The following GLYATL1 variants were observed in gnomAD, a reference collection of about 807,000 sequenced individuals.
GLYATL1 encodes the protein glycine N-acyltransferase-like protein 1.
A neutral mutation model predicts 20.0 loss-of-function variants in GLYATL1; 15 were observed. The observed-to-expected ratio is 0.75, with a 90% CI of 0.50 to 1.15. The LOEUF (loss-of-function observed/expected upper bound fraction) is 1.15. GLYATL1 is among the 50% of genes most tolerant of loss of function. The probability of loss-of-function intolerance (pLI) is 0.00; values close to 1 mark genes in which losing one functional copy is unlikely to be tolerated. For synonymous variants in GLYATL1, 151 were observed against 131.5 expected, an observed-to-expected ratio of 1.15 and a Z score of -1.01; for missense variants, 380 against 368.5, an observed-to-expected ratio of 1.03 and a Z score of -0.26.
upstream of GLYATL1, among the ~76,000 whole-genome samples, chr11:58,925,308 A>G (rs1232730351): frequency 6.6e-6 from 1 of 152,220 alleles, no homozygotes; most frequent in African/African-American, 2.4e-5. Flanking sequence ...TTTTACAATT[A>G]ACATTTTACA....
intron 1 of GLYATL1, among the ~76,000 whole-genome samples, chr11:58,931,943 C>G (rs1274899297): frequency 1.3e-5 from 2 of 151,730 alleles, no homozygotes; most frequent in African/African-American, 2.4e-5. Context: ...AATCCCATCT[C>G]TAGTAAAACA....
chr11:58,905,551 C>A (rs1299983760), exon 1 of GLYATL1: 1 of 456,220 alleles, frequency 2.2e-6, no homozygotes, highest in Non-Finnish European at 4.4e-6. Context: ...AACCGCCAGG[C>A]ATCTCCCATA....
At chr11:58,910,610 G>C (rs544652356), downstream of GLYATL1, among the ~76,000 whole-genome samples, 14 of 152,232 alleles carry the variant, frequency 9.2e-5, no homozygotes, top group Middle Eastern at 3.4e-3. Flanking sequence ...CAGAACTAGA[G>C]TGTAAAACTG....
intron 1 of GLYATL1, among the ~76,000 whole-genome samples, chr11:58,919,183 C>G (rs1855250312): frequency 6.6e-6 from 1 of 152,230 alleles, no homozygotes; most frequent in Non-Finnish European, 1.5e-5. Context: ...TACCTAAAGC[C>G]TGCATTTGCC....
At chr11:58,906,966 C>T (rs140807983) in intron 1 of GLYATL1, among the ~76,000 whole-genome samples, 1 of 152,072 alleles carries the variant, frequency 6.6e-6, no homozygotes, top group Non-Finnish European at 1.5e-5. Flanking sequence ...ATGTGGAATC[C>T]TTTTTTAAAA....
chr11:58,938,659 G>A (rs1339460681), upstream of GLYATL1, among the ~76,000 whole-genome samples: 2 of 152,172 alleles, frequency 1.3e-5, no homozygotes, highest in Non-Finnish European at 2.9e-5. Flanking sequence ...AGATACATCA[G>A]AGAAGTGGAC....
At chr11:58,905,723 GGTCATCTGGACAAATA>G in intron 1 of GLYATL1, 2 of 218,898 alleles carry the variant, frequency 9.1e-6, no homozygotes, top group Non-Finnish European at 9.4e-6. Context: ...GACCGGGATG[GGTCATCTGGACAAATA>G]GGGAGGGTGG....
intron 1 of GLYATL1, among the ~76,000 whole-genome samples, chr11:58,922,284 G>C (rs1327102131): frequency 6.6e-6 from 1 of 152,198 alleles, no homozygotes; most frequent in African/African-American, 2.4e-5. Flanking sequence ...TGGTGCGTTA[G>C]GAAGATAAAC....
intron 1 of GLYATL1, among the ~76,000 whole-genome samples, chr11:58,932,673 T>C (rs907307964): frequency 6.6e-6 from 1 of 152,194 alleles, no homozygotes. Flanking sequence ...ACAATGAACC[T>C]CAAAAAAGTA....
chr11:58,937,892 G>A (rs1267077420), upstream of GLYATL1, among the ~76,000 whole-genome samples: 1 of 152,038 alleles, frequency 6.6e-6, no homozygotes, highest in African/African-American at 2.4e-5. Context: ...GTACACAGAG[G>A]GTGGGGCTCC....
chr11:58,934,570 G>A (rs1159729970), upstream of GLYATL1: 4 of 152,296 alleles, frequency 2.6e-5, no homozygotes, highest in Admixed American at 6.5e-5. Context: ...GGCCACAAAG[G>A]GTGGCTTGGG....
chr11:58,955,873 T>C lies in GLYATL1; in HGVS notation c.755T>C (p.Met252Thr). The stretch of plus-strand genomic sequence containing the variant: ...ATGGCACGAGTGATGGTGCGATACA[T>C]GAAATATCTGCGTCAGAAGAATATT... ...GNMARVMVRY[M>T]KYLRQKNIPF... Residue 252 changes from methionine to threonine, a missense_variant, in exon 7 of 7, where the codon ATG becomes ACG. Coordinates refer to ENST00000532726, the MANE Select transcript of GLYATL1 (RefSeq NM_001389712.2). 3 of 1,614,180 alleles carry C rather than the reference T, an allele frequency of 1.9e-6. No individual in the cohort carries two copies. The highest frequency in any genetic ancestry group is 2.2e-5 in the East Asian group (1 of 44,884).
upstream of GLYATL1, among the ~76,000 whole-genome samples, chr11:58,922,777 C>T (rs1404845861): frequency 6.6e-6 from 1 of 152,196 alleles, no homozygotes; most frequent in African/African-American, 2.4e-5. Context: ...TGCTGCCAGA[C>T]AGGTTTGCAG....
At chr11:58,945,783 C>G (rs1933788941) in intron 2 of GLYATL1, among the ~76,000 whole-genome samples, 2 of 152,042 alleles carry the variant, frequency 1.3e-5, no homozygotes, top group Admixed American at 1.3e-4. Context: ...AGGGGATAGG[C>G]TCATGTCAGA....
chr11:58,915,399 TC>T (rs1855148004), intron 1 of GLYATL1, among the ~76,000 whole-genome samples: 1 of 152,128 alleles, frequency 6.6e-6, no homozygotes, highest in African/African-American at 2.4e-5. Flanking sequence ...CTCTTCTGGA[TC>T]CCAGAGCTAT....
upstream of GLYATL1, chr11:58,934,972 CAGGGGCCAGATT>C (rs1256031058): frequency 6.6e-6 from 1 of 152,454 alleles, no homozygotes; most frequent in Non-Finnish European, 1.5e-5. Flanking sequence ...CCTGTATCCA[CAGGGGCCAGATT>C]AGGGGTTGGA....
chr11:58,905,664 A>G, intron 1 of GLYATL1: 1 of 452,430 alleles, frequency 2.2e-6, no homozygotes, highest in Non-Finnish European at 4.4e-6. Context: ...TTATCCTGGT[A>G]CGCGGGAACT....
At chr11:58,950,113 C>CGAA (rs1856868034) in intron 4 of GLYATL1, among the ~76,000 whole-genome samples, 2 of 76,006 alleles carry the variant, frequency 2.6e-5, no homozygotes, top group Non-Finnish European at 4.5e-5. Context: ...ACTAAAAATA[C>CGAA]AAAAAAAAAA....
chr11:58,932,152 C>T (rs1855632441), intron 1 of GLYATL1, among the ~76,000 whole-genome samples: 1 of 143,364 alleles, frequency 7.0e-6, no homozygotes, highest in African/African-American at 2.6e-5. Context: ...CATTTTAGAG[C>T]CTGAAGCATG....
Sources: gnomAD v4.1 joint callset for allele counts (sites outside exome capture counted in the v4.1 genomes callset) on GRCh38, gnomAD v4.1.1 for gene constraint, MANE v1.5 for transcripts, NCBI Gene and HGNC (gene_info 2026-07-23, HGNC 2026-07-21) for gene names.